MAGI1: variants seen among roughly 807,000 people sequenced by gnomAD.
The protein encoded by MAGI1 is membrane associated guanylate kinase, WW and PDZ domain containing 1.
In MAGI1, 58 loss-of-function variants were observed where a neutral mutation model predicts 139.9. That is an observed-to-expected ratio of 0.41 (90% CI 0.34 to 0.52). The LOEUF (loss-of-function observed/expected upper bound fraction) is 0.52. Ranked by LOEUF, MAGI1 falls within the 20% of genes least tolerant of loss-of-function variation. MAGI1 has a pLI of 0.12. For synonymous variants in MAGI1, 812 were observed against 737.9 expected, an observed-to-expected ratio of 1.10 and a Z score of -1.63; for missense variants, 1,874 against 1,901.6, an observed-to-expected ratio of 0.99 and a Z score of 0.27.
At chr3:65,467,714 T>C (rs747611598) in intron 5 of MAGI1, among the ~76,000 whole-genome samples, 25 of 152,302 alleles carry the variant, frequency 1.6e-4, no homozygotes, top group Middle Eastern at 6.8e-3. Flanking sequence ...ATCAAGTCAG[T>C]CTTGAACAAA....
intron 1 of MAGI1, among the ~76,000 whole-genome samples, chr3:65,669,031 A>T (rs2107450213): frequency 6.6e-6 from 1 of 152,126 alleles, no homozygotes; most frequent in Non-Finnish European, 1.5e-5. Flanking sequence ...TCCACCTCCC[A>T]GGTTCAAGCA....
intron 4 of MAGI1, among the ~76,000 whole-genome samples, chr3:65,473,993 T>A (rs946699032): frequency 1.3e-5 from 2 of 152,140 alleles, no homozygotes; most frequent in Non-Finnish European, 2.9e-5. Context: ...TTGTTGGGCA[T>A]GGTGGCATGT....
At chr3:65,571,386 T>G (rs973327909) in intron 2 of MAGI1, among the ~76,000 whole-genome samples, 2 of 152,096 alleles carry the variant, frequency 1.3e-5, no homozygotes, top group Non-Finnish European at 2.9e-5. Flanking sequence ...TGAATACATG[T>G]GATGAGGGCT....
At chr3:66,006,810 T>G (rs533815587) in intron 1 of MAGI1, among the ~76,000 whole-genome samples, 24 of 139,754 alleles carry the variant, frequency 1.7e-4, no homozygotes, top group Admixed American at 1.2e-3. Context: ...AACATGGTTT[T>G]GTTTTGTTTT....
At chr3:66,001,197 A>G (rs2107443560) in intron 1 of MAGI1, among the ~76,000 whole-genome samples, 1 of 152,290 alleles carries the variant, frequency 6.6e-6, no homozygotes, top group East Asian at 1.9e-4. Flanking sequence ...TCAGTCTTGA[A>G]GAACAAGTAG....
intron 1 of MAGI1, among the ~76,000 whole-genome samples, chr3:65,910,854 A>ATTTTTTTT (rs1560003976): frequency 1.7e-4 from 2 of 11,904 alleles, no homozygotes; most frequent in Non-Finnish European, 2.7e-4. Context: ...GACATGGTGG[A>ATTTTTTTT]CTTTTTTTTT....
chr3:65,730,422 CAG>C (rs1435308700), intron 1 of MAGI1, among the ~76,000 whole-genome samples: 2 of 152,184 alleles, frequency 1.3e-5, no homozygotes, highest in African/African-American at 2.4e-5. Flanking sequence ...AAGCAGGAGA[CAG>C]GGGCGAAATG....
chr3:65,683,853 G>A (rs1397365665), intron 1 of MAGI1, among the ~76,000 whole-genome samples: 3 of 151,900 alleles, frequency 2.0e-5, no homozygotes, highest in Non-Finnish European at 4.4e-5. Flanking sequence ...CTGGTGAGAT[G>A]TAAAATAGTA....
chr3:65,884,261 C>T (rs1221146862), intron 1 of MAGI1, among the ~76,000 whole-genome samples: 1 of 151,652 alleles, frequency 6.6e-6, no homozygotes, highest in Non-Finnish European at 1.5e-5. Context: ...TTAGATACAA[C>T]AAGGAACTAG....
intron 2 of MAGI1, among the ~76,000 whole-genome samples, chr3:65,596,227 T>G (rs1576428544): frequency 6.6e-6 from 1 of 152,180 alleles, no homozygotes; most frequent in East Asian, 1.9e-4. Flanking sequence ...CCAAAGACAG[T>G]ATGTCATTCC....
chr3:65,599,031 A>T (rs2082360657), intron 2 of MAGI1, among the ~76,000 whole-genome samples: 1 of 152,198 alleles, frequency 6.6e-6, no homozygotes, highest in Admixed American at 6.5e-5. Flanking sequence ...GGTGCTACAG[A>T]GTCACGTGCA....
chr3:65,991,317 A>AAAG (rs2066163120), intron 1 of MAGI1, among the ~76,000 whole-genome samples: 1 of 151,498 alleles, frequency 6.6e-6, no homozygotes, highest in African/African-American at 2.4e-5. Context: ...TAAAAAAAAA[A>AAAG]AAAAAAGAAA....
At chr3:65,819,870 C>T (rs1305800441) in intron 1 of MAGI1, among the ~76,000 whole-genome samples, 10 of 29,092 alleles carry the variant, frequency 3.4e-4, no homozygotes, top group African/African-American at 9.2e-4. Flanking sequence ...AGCAAGACTC[C>T]ATCTCAAAAA....
intron 1 of MAGI1, among the ~76,000 whole-genome samples, chr3:65,941,833 C>G (rs766442483): frequency 6.6e-6 from 1 of 152,186 alleles, no homozygotes; most frequent in South Asian, 2.1e-4. Flanking sequence ...ACTCTGCTGA[C>G]CAGGCTGGAG....
intron 1 of MAGI1, among the ~76,000 whole-genome samples, chr3:65,794,834 C>T (rs894927167): frequency 5.8e-5 from 8 of 136,834 alleles, no homozygotes; most frequent in African/African-American, 2.1e-4. Flanking sequence ...ACAAAACAAA[C>T]CCTCATCAGG....
chr3:65,530,731 A>G lies in MAGI1; in HGVS notation c.431-37100T>C, dbSNP rs1163814926. On this transcript the variant is annotated intron_variant, in intron 2 of 22. Coordinates refer to ENST00000402939, the MANE Select transcript of MAGI1 (RefSeq NM_001033057.2). ...TACACGTGTATATATATACACACGT[A>G]TATATATATGCACATATATATACAC... Among the ~76,000 whole-genome samples, 230 of 118,906 alleles carry G rather than the reference A, an allele frequency of 1.9e-3. 15 individuals are homozygous for G. Among genetic ancestry groups the G allele is most frequent in the South Asian group, 6.2e-3 (23 of 3,684 alleles). The allele number at this position is 118,906 out of a possible 152,430, so 78.0% of individuals were successfully genotyped here.
intron 1 of MAGI1, among the ~76,000 whole-genome samples, chr3:65,825,411 T>C (rs1265940245): frequency 6.6e-6 from 1 of 152,200 alleles, no homozygotes; most frequent in Non-Finnish European, 1.5e-5. Context: ...TCTCCCCAAC[T>C]TCGCATTCAG....
At chr3:65,471,780 CA>C (rs11331766) in intron 4 of MAGI1, among the ~76,000 whole-genome samples, 32,879 of 152,000 alleles carry the variant, frequency 0.22, 3,704 homozygotes, top group Middle Eastern at 0.26. Flanking sequence ...CTAAGGCAAA[CA>C]AATTTGAATG....
rs748583606 is a variant in MAGI1, at chr3:65,725,926, C to T, written c.314-103838G>A. Among the ~76,000 whole-genome samples, 222 of 152,032 alleles carry T rather than the reference C, an allele frequency of 1.5e-3. 4 individuals are homozygous for T. The highest frequency in any genetic ancestry group is 4.7e-4 in the Non-Finnish European group (32 of 68,012). On this transcript the variant is annotated intron_variant, in intron 1 of 22. Coordinates refer to ENST00000402939, the MANE Select transcript of MAGI1 (RefSeq NM_001033057.2). ...CTTGATTCCAGGTAAGTTAATTCGT[C>T]ATAAAAATAAAGGAAAGAAAGGGAA...
Sources: allele counts gnomAD v4.1 joint callset (sites outside exome capture counted in the v4.1 genomes callset), GRCh38; gene constraint gnomAD v4.1.1; transcripts MANE v1.5; gene names NCBI Gene and HGNC (gene_info 2026-07-23, HGNC 2026-07-21).